The following RBPJ variants were observed in gnomAD, a reference collection of about 807,000 sequenced individuals.
The protein encoded by RBPJ is recombining binding protein suppressor of hairless.
In RBPJ, 9 loss-of-function variants were observed where a neutral mutation model predicts 67.8. The observed-to-expected ratio is 0.13, with a 90% CI of 0.08 to 0.23. The LOEUF (loss-of-function observed/expected upper bound fraction) is 0.23. RBPJ is among the 10% of genes least tolerant of loss of function. The pLI, the probability that RBPJ is intolerant of heterozygous loss-of-function variation, is 1.00. For synonymous variants in RBPJ, 198 were observed against 203.3 expected, an observed-to-expected ratio of 0.97 and a Z score of 0.22; for missense variants, 305 against 595.6, an observed-to-expected ratio of 0.51 and a Z score of 5.08.
chr4:26,385,303 G>A (rs1267420949), intron 1 of RBPJ, among the ~76,000 whole-genome samples: 3 of 151,850 alleles, frequency 2.0e-5, no homozygotes, highest in Admixed American at 2.0e-4. Flanking sequence ...TTACAGGTGT[G>A]AGCCACTGCG....
intron 1 of RBPJ, among the ~76,000 whole-genome samples, chr4:26,174,710 T>C (rs1716734305): frequency 6.6e-6 from 1 of 152,156 alleles, no homozygotes; most frequent in African/African-American, 2.4e-5. Flanking sequence ...CCTCAGGTGA[T>C]CCGCCCAACT....
the RBPJ span, among the ~76,000 whole-genome samples, chr4:26,157,990 T>C: frequency 6.6e-6 from 1 of 152,206 alleles, no homozygotes; most frequent in Non-Finnish European, 1.5e-5. Context: ...ACAGATGAAC[T>C]ATCTAGCTGA....
rs551048927 is a variant in RBPJ, at chr4:26,347,173, T to C, written c.20+26125T>C. On this transcript the variant is annotated intron_variant, in intron 1 of 10. Coordinates refer to ENST00000355476, the MANE Select transcript of RBPJ (RefSeq NM_015874.6). ...AGATTTCGCTTCTGAACATGTCGAC[T>C]TTGAGGTTCTTGTGAGAAAGCTAGA... Among the ~76,000 whole-genome samples, 936 of 152,166 alleles carry C rather than the reference T, an allele frequency of 6.2e-3. 8 individuals are homozygous for C. The highest frequency in any genetic ancestry group is 0.01 in the Non-Finnish European group (697 of 68,002).
At chr4:26,321,107 C>CA in intron 1 of RBPJ, 59 bp downstream of exon 1, 1 of 1,411,550 alleles carries the variant, frequency 7.1e-7, no homozygotes, top group Non-Finnish European at 9.9e-7. Context: ...TCTGGCAGCT[C>CA]ACGGCGGGCA....
intron 1 of RBPJ, among the ~76,000 whole-genome samples, chr4:26,196,752 A>T (rs1420065889): frequency 6.6e-6 from 1 of 152,164 alleles, no homozygotes; most frequent in Non-Finnish European, 1.5e-5. Flanking sequence ...AGATGTCGGC[A>T]TTTTGCTGCA....
At chr4:26,123,716 T>A in the RBPJ span, among the ~76,000 whole-genome samples, 1 of 152,300 alleles carries the variant, frequency 6.6e-6, no homozygotes, top group Non-Finnish European at 1.5e-5. Context: ...TTTCTTTCTT[T>A]AAACTGTTAA....
At chr4:26,227,253 T>C (rs1015636606) in intron 1 of RBPJ, among the ~76,000 whole-genome samples, 2 of 152,156 alleles carry the variant, frequency 1.3e-5, no homozygotes, top group African/African-American at 4.8e-5. Flanking sequence ...CCTCAGACCT[T>C]TGGGCAGGTG....
chr4:26,108,801 G>A, the RBPJ span, among the ~76,000 whole-genome samples: 1 of 152,160 alleles, frequency 6.6e-6, no homozygotes, highest in African/African-American at 2.4e-5. Flanking sequence ...AAGATTAAGG[G>A]ATTGAGTCCC....
chr4:26,395,582 G>C (rs1005050690), intron 2 of RBPJ, among the ~76,000 whole-genome samples: 2 of 152,106 alleles, frequency 1.3e-5, no homozygotes, highest in African/African-American at 4.8e-5. Flanking sequence ...TCTAATGGGA[G>C]GTGTGAGTCT....
At chr4:26,277,862 A>G (rs1721135311) in intron 1 of RBPJ, among the ~76,000 whole-genome samples, 1 of 152,214 alleles carries the variant, frequency 6.6e-6, no homozygotes, top group African/African-American at 2.4e-5. Context: ...ATAGGTTTCT[A>G]TCGGGCTTTA....
At position 26,254,188 on chromosome 4, in the gene RBPJ, T is replaced by C. The variant is rs1720216232; in HGVS notation, c.-167+90574T>C. On this transcript the variant is annotated intron_variant, in intron 1 of 4. Transcript: ENST00000512351. ...GTCTCCTGCTTCCACTCTAGCACTTTCCAATGTGTCAATCAAATCATGTCA... is the reference window on the plus strand; with the variant it reads ...GTCTCCTGCTTCCACTCTAGCACTTCCCAATGTGTCAATCAAATCATGTCA... 2.7e-5 allele frequency among the ~76,000 whole-genome samples: 4 copies of C among 148,820 alleles called. No homozygotes were observed. The South Asian group carries it at 8.3e-4, about 31-fold the overall frequency.
At chr4:26,172,449 A>G (rs1716628897) in intron 1 of RBPJ, among the ~76,000 whole-genome samples, 1 of 152,206 alleles carries the variant, frequency 6.6e-6, no homozygotes, top group Non-Finnish European at 1.5e-5. Flanking sequence ...TCTAGCAGCA[A>G]TCCCCTCTGT....
the RBPJ span, among the ~76,000 whole-genome samples, chr4:26,119,488 C>T: frequency 6.6e-6 from 1 of 152,116 alleles, no homozygotes; most frequent in Non-Finnish European, 1.5e-5. Flanking sequence ...AGTCTCTGAC[C>T]TTCTCTAACT....
At chr4:26,305,611 G>C (rs760366820) in intron 1 of RBPJ, among the ~76,000 whole-genome samples, 40 of 151,814 alleles carry the variant, frequency 2.6e-4, no homozygotes, top group Admixed American at 2.4e-3. Context: ...TCATGCTATT[G>C]GAAATGGGAT....
At chr4:26,269,706 C>T (rs1011007911) in intron 1 of RBPJ, among the ~76,000 whole-genome samples, 2 of 152,066 alleles carry the variant, frequency 1.3e-5, no homozygotes, top group African/African-American at 4.8e-5. Context: ...AGTGGAAGCT[C>T]ATTAAATGGC....
At chr4:26,155,003 A>C in the RBPJ span, among the ~76,000 whole-genome samples, 1 of 152,226 alleles carries the variant, frequency 6.6e-6, no homozygotes. Context: ...TCAGGGCTGG[A>C]CATAAAGAAT....
intron 1 of RBPJ, among the ~76,000 whole-genome samples, chr4:26,260,018 A>G (rs1720475646): frequency 6.6e-6 from 1 of 152,208 alleles, no homozygotes. Flanking sequence ...TTTCAAACTA[A>G]TATATTATGC....
intron 1 of RBPJ, among the ~76,000 whole-genome samples, chr4:26,233,987 A>G (rs1719372909): frequency 6.6e-6 from 1 of 152,224 alleles, no homozygotes; most frequent in African/African-American, 2.4e-5. Context: ...TCATAATTGC[A>G]AAGAAGTAAT....
chr4:26,210,219 A>G (rs900810178), intron 1 of RBPJ, among the ~76,000 whole-genome samples: 5 of 152,202 alleles, frequency 3.3e-5, no homozygotes, highest in South Asian at 4.1e-4. Flanking sequence ...ACAGTGTTCT[A>G]CAGTGGGAAT....
Sources: allele counts gnomAD v4.1 joint callset (sites outside exome capture counted in the v4.1 genomes callset), GRCh38; gene constraint gnomAD v4.1.1; transcripts MANE v1.5; gene names NCBI Gene and HGNC (gene_info 2026-07-23, HGNC 2026-07-21).